Variants in ANK3 observed in about 807,000 individuals in gnomAD.
The protein encoded by ANK3 is ankyrin-3.
In ANK3, 57 loss-of-function variants were observed where a neutral mutation model predicts 370.9. That is an observed-to-expected ratio of 0.15 (90% CI 0.12 to 0.19). The LOEUF (loss-of-function observed/expected upper bound fraction) is 0.19, where lower values mean the gene tolerates loss of function less well. Ranked by LOEUF, ANK3 falls within the 10% of genes least tolerant of loss-of-function variation. The pLI is 1.00. For missense variants in ANK3, 4,439 were observed against 5,302.1 expected (o/e 0.84, Z 5.06); for synonymous variants, 1,929 against 1,946.3 (o/e 0.99, Z 0.23).
chr10:60,469,769 A>G (rs536097369), intron 2 of ANK3, among the ~76,000 whole-genome samples: 1 of 148,568 alleles, frequency 6.7e-6, no homozygotes, highest in Non-Finnish European at 1.5e-5. Context: ...CCAATTGTAA[A>G]CTTTTACTAA....
At chr10:60,202,365 G>A (rs749490500) in intron 12 of ANK3, among the ~76,000 whole-genome samples, 1 of 148,982 alleles carries the variant, frequency 6.7e-6, no homozygotes. Context: ...TCATGTGACC[G>A]GCCTGCCTCA....
In ANK3 at chr10:60,186,991, C is replaced by G. The variant is rs182266001; in HGVS notation, c.1888-79G>C. Reference sequence around the variant, plus strand: ...CAGTGCATTTTCAAATAGTTTATGTCTCTTTCTAGTGGTTTTCTATGATTG... The same window carrying G: ...CAGTGCATTTTCAAATAGTTTATGTGTCTTTCTAGTGGTTTTCTATGATTG... On this transcript the variant is annotated intron_variant, in intron 16 of 43. Transcript: ENST00000280772. The G allele has an allele frequency of 1.2e-4, 168 of 1,366,976 alleles. No homozygotes were observed. In the African/African-American group the frequency reaches 2.0e-3, roughly 16 times the overall value. The allele number at this position is 1,366,976 out of a possible 1,614,324, so 84.7% of individuals were successfully genotyped here. A position where few individuals can be genotyped will look rare whatever the true frequency, so the allele number is the denominator to read the frequency against.
chr10:60,162,275 A>ACTCCC (rs2095518608), intron 23 of ANK3, among the ~76,000 whole-genome samples: 2 of 151,988 alleles, frequency 1.3e-5, no homozygotes, highest in Non-Finnish European at 2.9e-5. Flanking sequence ...TTCCTTCTCT[A>ACTCCC]CTCCCAGTGC....
At chr10:60,577,171 ATTC>A (rs1192765196) in intron 2 of ANK3, among the ~76,000 whole-genome samples, 5 of 152,182 alleles carry the variant, frequency 3.3e-5, no homozygotes, top group South Asian at 2.1e-4. Context: ...ATAGGTGGCC[ATTC>A]TTCTTCCCAC....
intron 36 of ANK3, among the ~76,000 whole-genome samples, chr10:60,079,312 A>G (rs1394233503): frequency 6.6e-6 from 1 of 152,142 alleles, no homozygotes; most frequent in Non-Finnish European, 1.5e-5. Flanking sequence ...AGAGGAGAAC[A>G]GAGATCTGAG....
intron 24 of ANK3, among the ~76,000 whole-genome samples, chr10:60,134,665 A>G (rs1457008123): frequency 6.6e-6 from 1 of 152,218 alleles, no homozygotes; most frequent in African/African-American, 2.4e-5. Context: ...AATTGAGAAG[A>G]ACCAGATGAT....
chr10:60,333,334 G>A (rs1451380222), intron 1 of ANK3, among the ~76,000 whole-genome samples: 2 of 150,386 alleles, frequency 1.3e-5, no homozygotes, highest in African/African-American at 2.5e-5. Flanking sequence ...AGTGTGTGAT[G>A]CTCCCCTCCC....
Position 60,723,369 on chromosome 10 carries a change from C to A in ANK3, c.57+9894G>T, listed in dbSNP as rs774134762. On this transcript the variant is annotated intron_variant, in intron 1 of 43. Transcript: ENST00000373827. Reference sequence around the variant, plus strand: ...ATTGAAATTCATTCTTTGATGTCAACATTTCATTGATATTTATAAGAGGCA... The same window carrying A: ...ATTGAAATTCATTCTTTGATGTCAAAATTTCATTGATATTTATAAGAGGCA... Among the ~76,000 whole-genome samples the A allele has an allele frequency of 3.3e-5, 5 of 152,308 alleles. No homozygotes were observed. In the South Asian group the frequency reaches 1.0e-3, roughly 32 times the overall value.
intron 1 of ANK3, among the ~76,000 whole-genome samples, chr10:60,366,392 T>C (rs1424881260): frequency 6.6e-6 from 1 of 152,148 alleles, no homozygotes; most frequent in Non-Finnish European, 1.5e-5. Flanking sequence ...GCCCAACTGC[T>C]CTTTCTCTGT....
intron 23 of ANK3, chr10:60,140,596 C>G (rs1025370768): frequency 7.2e-7 from 1 of 1,389,706 alleles, no homozygotes; most frequent in African/African-American, 1.5e-5. Context: ...TTTCAGGCCC[C>G]CAAAAAAATC....
intron 2 of ANK3, among the ~76,000 whole-genome samples, chr10:60,417,312 G>A (rs1317691564): frequency 6.6e-6 from 1 of 152,142 alleles, no homozygotes; most frequent in African/African-American, 2.4e-5. Context: ...AACTTGACGG[G>A]GGGTCAGCTG....
Position 60,104,003 on chromosome 10 carries a change from G to T in ANK3, c.3328+1902C>A, listed in dbSNP as rs771590632. On this transcript the variant is annotated intron_variant, in intron 28 of 43. Transcript: ENST00000280772. ...ATGCAGGAACAGAAAACCAAATACT[G>T]CATATTCTCACTTATAAGTGGGAGC... Among the ~76,000 whole-genome samples the T allele has an allele frequency of 9.2e-5, 14 of 152,172 alleles. No individual in the cohort carries two copies. In the South Asian group the frequency reaches 1.2e-3, roughly 14 times the overall value.
intron 2 of ANK3, among the ~76,000 whole-genome samples, chr10:60,530,467 C>A (rs902934690): frequency 8.2e-6 from 1 of 122,154 alleles, no homozygotes; most frequent in East Asian, 2.6e-4. Flanking sequence ...AAAAAAAAAA[C>A]CCTATGATAT....
At position 60,666,654 on chromosome 10, in the gene ANK3, G is replaced by A. The variant is rs570069609; in HGVS notation, c.58-51430C>T. Among the ~76,000 whole-genome samples the A allele has an allele frequency of 2.6e-5, 4 of 152,218 alleles. No homozygotes were observed. The South Asian group carries it at 8.3e-4, about 32-fold the overall frequency. ...AGAAAACTTAAGAGAGAAAAAAGAG[G>A]TGTGCATATATTACCTATTCAAAAA... On this transcript the variant is annotated intron_variant, in intron 1 of 43. Transcript: ENST00000373827.
intron 1 of ANK3, among the ~76,000 whole-genome samples, chr10:60,363,821 T>C (rs2058991870): frequency 6.6e-6 from 1 of 152,074 alleles, no homozygotes; most frequent in African/African-American, 2.4e-5. Context: ...ACCAGGAAAA[T>C]GGAACATATG....
intron 41 of ANK3, 40 bp from the exon 42 acceptor site, chr10:60,056,076 G>T (rs770294933): frequency 2.6e-6 from 4 of 1,564,702 alleles, no homozygotes; most frequent in South Asian, 2.4e-5. Context: ...GGCAAACTAT[G>T]ACTGAATATA....
At chr10:60,506,047 T>C (rs1250643082) in intron 2 of ANK3, among the ~76,000 whole-genome samples, 1 of 152,046 alleles carries the variant, frequency 6.6e-6, no homozygotes, top group African/African-American at 2.4e-5. Flanking sequence ...CAAACCTATT[T>C]TCTCAGAAGA....
At chr10:60,716,529 C>T (rs1369077083) in intron 1 of ANK3, among the ~76,000 whole-genome samples, 4 of 152,154 alleles carry the variant, frequency 2.6e-5, no homozygotes, top group South Asian at 2.1e-4. Context: ...AAAATTTAGG[C>T]AATTTAAGAA....
chr10:60,127,195 G>A (rs1024039992), intron 25 of ANK3, among the ~76,000 whole-genome samples: 5 of 152,198 alleles, frequency 3.3e-5, no homozygotes, highest in Non-Finnish European at 5.9e-5. Flanking sequence ...AGTCTCACTA[G>A]ATGGGCTCAG....
Sources: gnomAD v4.1 joint callset for allele counts (sites outside exome capture counted in the v4.1 genomes callset) on GRCh38, gnomAD v4.1.1 for gene constraint, MANE v1.5 for transcripts, NCBI Gene and HGNC (gene_info 2026-07-23, HGNC 2026-07-21) for gene names.